The following ABCG5 variants were observed in gnomAD, a reference collection of about 807,000 sequenced individuals.
ABCG5 encodes ATP-binding cassette sub-family G member 5.
In ABCG5, 64 loss-of-function variants were observed where a neutral mutation model predicts 64.5. The ratio of observed to expected loss-of-function variants is 0.99; its 90% CI spans 0.81 to 1.22. ABCG5 has a LOEUF of 1.22. ABCG5 is among the 50% of genes most tolerant of loss of function. ABCG5 has a pLI of 0.00. For missense variants in ABCG5, 908 were observed against 829.5 expected (o/e 1.09, Z -1.16); for synonymous variants, 385 against 326.3 (o/e 1.18, Z -1.94).
At chr2:43,825,488 A>C (rs1378596891) in intron 6 of ABCG5, among the ~76,000 whole-genome samples, 1 of 152,230 alleles carries the variant, frequency 6.6e-6, no homozygotes, top group Non-Finnish European at 1.5e-5. Context: ...GAAGGAAATC[A>C]GTATGATTTC....
intron 2 of ABCG5, among the ~76,000 whole-genome samples, chr2:43,833,626 T>C (rs536971077): frequency 1.1e-3 from 166 of 151,708 alleles, no homozygotes; most frequent in Non-Finnish European, 1.9e-3. Context: ...CCTCGTGATC[T>C]GCCCGCCTCA....
chr2:43,817,679 G>T (rs1666927162), intron 11 of ABCG5, among the ~76,000 whole-genome samples: 1 of 152,098 alleles, frequency 6.6e-6, no homozygotes, highest in Non-Finnish European at 1.5e-5. Context: ...GGAGGCCAAG[G>T]CAGGCAGATC....
At position 43,812,825 on chromosome 2, in the gene ABCG5, G is replaced by C. The variant is rs188558738; in HGVS notation, c.*291C>G. 8.5e-6 allele frequency: 3 copies of C among 354,468 alleles called. No individual in the cohort carries two copies. The highest frequency in any genetic ancestry group is 1.6e-5 in the Non-Finnish European group (3 of 192,614). The allele number at this position is 354,468 out of a possible 1,614,324, so 22.0% of individuals were successfully genotyped here. On this transcript the variant is annotated 3_prime_UTR_variant, in exon 13 of 13. Transcript: ENST00000405322. ...GTGCCTAGAACAAGGAAAAAAAATAGTCACACGAGTCTCCCATAGGTTTAT... is the reference window on the plus strand; with the variant it reads ...GTGCCTAGAACAAGGAAAAAAAATACTCACACGAGTCTCCCATAGGTTTAT...
chr2:43,834,774 T>C (rs1291190159), intron 2 of ABCG5, among the ~76,000 whole-genome samples: 2 of 152,236 alleles, frequency 1.3e-5, no homozygotes, highest in African/African-American at 4.8e-5. Flanking sequence ...TACGCCCTCC[T>C]CAACAGCAAA....
intron 12 of ABCG5, among the ~76,000 whole-genome samples, chr2:43,813,695 GGGTTTTTTTTTTC>G (rs1666614576): frequency 7.5e-6 from 1 of 133,604 alleles, no homozygotes; most frequent in Admixed American, 7.8e-5. Flanking sequence ...GTTTTTTTTG[GGGTTTTTTTTTTC>G]GTTTTTTTTT....
At chr2:43,808,310 C>T (rs1342420098), downstream of ABCG5, among the ~76,000 whole-genome samples, 1 of 150,206 alleles carries the variant, frequency 6.7e-6, no homozygotes, top group Non-Finnish European at 1.5e-5. Context: ...GTCTATATAC[C>T]ATTTTGAAAC....
downstream of ABCG5, chr2:43,810,625 C>T: frequency 1.7e-6 from 1 of 602,642 alleles, no homozygotes; most frequent in Middle Eastern, 8.5e-4. Context: ...ACATTTACTA[C>T]CCCAAGGGAG....
intron 11 of ABCG5, among the ~76,000 whole-genome samples, chr2:43,815,508 C>T (rs1666758922): frequency 6.6e-6 from 1 of 152,192 alleles, no homozygotes; most frequent in Non-Finnish European, 1.5e-5. Flanking sequence ...TTTATGGTTT[C>T]ACCTATTTGC....
In ABCG5 at chr2:43,838,369, C is replaced by G; in HGVS notation, c.143+168G>C. On this transcript the variant is annotated intron_variant, in intron 1 of 12. Transcript: ENST00000405322. The surrounding 1 kb of genome is among the most constrained non-coding windows in gnomAD (Gnocchi z 4.2). ...GGGGAGGGGCCATTCACTGTCGCTC[C>G]ATGTTTCCCAGCACAGCCCTTCTCC... 2 of 691,388 alleles carry G rather than the reference C, an allele frequency of 2.9e-6. No homozygotes were observed. The highest frequency in any genetic ancestry group is 4.8e-6 in the Non-Finnish European group (2 of 417,970). 42.8% of individuals were successfully genotyped at this position (691,388 alleles called of 1,614,324 possible).
chr2:43,824,538 A>C (rs1667470952), intron 7 of ABCG5, 106 bp from the exon 8 acceptor site: 1 of 1,591,872 alleles, frequency 6.3e-7, no homozygotes, highest in African/African-American at 1.3e-5. Flanking sequence ...TCATCCCATC[A>C]AGATAAAATT....
In ABCG5 at chr2:43,831,970, C is replaced by T. The variant is rs1296351526; in HGVS notation, c.379G>A (p.Asp127Asn). ...GRALRREQFQDCFSYVLQSDT... is the reference protein window; with the variant it reads ...GRALRREQFQNCFSYVLQSDT... The stretch of plus-strand genomic sequence containing the variant: ...ACCTGCAGGACGTAGGAGAAGCAGT[C>T]CTGGAACTGCTCCCGGCGCAGCGCC... The change falls in exon 3 of 13, where the codon GAC becomes AAC. Residue 127 changes from aspartate to asparagine, a missense_variant. Coordinates refer to ENST00000405322, the MANE Select transcript of ABCG5 (RefSeq NM_022436.3). 1.9e-6 allele frequency: 3 copies of T among 1,551,394 alleles called. No individual in the cohort carries two copies. Among genetic ancestry groups the T allele is most frequent in the African/African-American group, 1.4e-5 (1 of 73,334 alleles).
At chr2:43,810,622 C>A, downstream of ABCG5, 1 of 641,986 alleles carries the variant, frequency 1.6e-6, no homozygotes, top group Non-Finnish European at 1.9e-6. Flanking sequence ...AGCACATTTA[C>A]TACCCCAAGG....
chr2:43,831,875 A>T lies in ABCG5; in HGVS notation c.403-8T>A. ...GCTCAGCAGGGTGTCGCTCTGCAGG[A>T]GACTCGGGCGTCAGTGTAGCCTAAG... On this transcript the variant is annotated splice_polypyrimidine_tract_variant and splice_region_variant and intron_variant, in intron 3 of 12. Transcript: ENST00000405322. 4.6e-6 allele frequency: 7 copies of T among 1,515,328 alleles called. No homozygotes were observed. Among genetic ancestry groups the T allele is most frequent in the Non-Finnish European group, 6.2e-6 (7 of 1,127,222 alleles). The allele number at this position is 1,515,328 out of a possible 1,614,324, so 93.9% of individuals were successfully genotyped here.
At chr2:43,824,169 G>T (rs1397652775) in intron 8 of ABCG5, 50 bp downstream of exon 8, 1 of 1,613,876 alleles carries the variant, frequency 6.2e-7, no homozygotes, top group Non-Finnish European at 8.5e-7. Flanking sequence ...GTTATTGGGG[G>T]ATGGCTAAAG....
downstream of ABCG5, among the ~76,000 whole-genome samples, chr2:43,810,922 C>G (rs1666459070): frequency 6.6e-6 from 1 of 152,204 alleles, no homozygotes; most frequent in South Asian, 2.1e-4. Flanking sequence ...GATTTTCTTA[C>G]ACATCACTGT....
downstream of ABCG5, among the ~76,000 whole-genome samples, chr2:43,811,808 A>T (rs1035942959): frequency 6.6e-5 from 10 of 151,918 alleles, no homozygotes; most frequent in Admixed American, 2.0e-4. Flanking sequence ...GTTGGCCAGG[A>T]TGGTCTCAAT....
chr2:43,806,311 A>G, the ABCG5 span, among the ~76,000 whole-genome samples: 3 of 152,218 alleles, frequency 2.0e-5, no homozygotes, highest in Non-Finnish European at 4.4e-5. Flanking sequence ...AGCCCCAGCA[A>G]CTTCTCAGGT....
intron 2 of ABCG5, 79 bp from the exon 3 acceptor site, chr2:43,832,162 G>A: frequency 1.3e-6 from 2 of 1,541,926 alleles, no homozygotes; most frequent in Non-Finnish European, 1.8e-6. Context: ...CCTCTGTGCA[G>A]GCATGACCCC....
At chr2:43,813,670 G>T (rs1254907074) in intron 12 of ABCG5, among the ~76,000 whole-genome samples, 2 of 102,622 alleles carry the variant, frequency 1.9e-5, no homozygotes, top group African/African-American at 3.6e-5. Context: ...AGATTTTTTT[G>T]GTTGTTTTTT....
Sources: gnomAD v4.1 joint callset for allele counts (sites outside exome capture counted in the v4.1 genomes callset) on GRCh38, gnomAD v4.1.1 for gene constraint, Gnocchi (gnomAD v3.1) non-coding constraint, MANE v1.5 for transcripts, NCBI Gene and HGNC (gene_info 2026-07-23, HGNC 2026-07-21) for gene names.